The following PEPD variants were observed in gnomAD, a reference collection of about 807,000 sequenced individuals.
PEPD encodes peptidase D, also known as xaa-Pro dipeptidase.
A neutral mutation model predicts 60.7 loss-of-function variants in PEPD; 53 were observed. The ratio of observed to expected loss-of-function variants is 0.87; its 90% confidence interval spans 0.70 to 1.10. PEPD has a LOEUF of 1.10. Among genes scored for constraint, PEPD ranks in the 50% least tolerant of loss-of-function variants. The pLI is 0.00. For missense variants in PEPD, 711 were observed against 711.9 expected (o/e 1.00, Z 0.01); for synonymous variants, 267 against 284.1 (o/e 0.94, Z 0.60).
intron 11 of PEPD, among the ~76,000 whole-genome samples, chr19:33,411,163 C>A (rs748000690): frequency 1.3e-5 from 2 of 152,200 alleles, no homozygotes; most frequent in African/African-American, 4.8e-5. Context: ...AAGCCCTGCA[C>A]GCAGCCACGG....
At chr19:33,416,232 T>C (rs922089470) in intron 9 of PEPD, among the ~76,000 whole-genome samples, 9 of 152,178 alleles carry the variant, frequency 5.9e-5, no homozygotes, top group Non-Finnish European at 8.8e-5. Context: ...GTGTGGGCTA[T>C]GAGGACAGGC....
intron 9 of PEPD, among the ~76,000 whole-genome samples, chr19:33,461,324 T>G (rs1969922915): frequency 1.3e-5 from 2 of 151,362 alleles, no homozygotes; most frequent in African/African-American, 4.8e-5. Flanking sequence ...AAAAAAGACC[T>G]CCATTACCTG....
chr19:33,436,801 T>C (rs1248810214), intron 9 of PEPD, among the ~76,000 whole-genome samples: 3 of 152,184 alleles, frequency 2.0e-5, no homozygotes, highest in Non-Finnish European at 2.9e-5. Context: ...TGCCTAGCTC[T>C]CTGGGTGCGA....
At chr19:33,438,330 C>G (rs1215813087) in intron 9 of PEPD, among the ~76,000 whole-genome samples, 1 of 152,230 alleles carries the variant, frequency 6.6e-6, no homozygotes, top group Non-Finnish European at 1.5e-5. Flanking sequence ...CTGCAGGGGG[C>G]CCCAGACCAA....
chr19:33,493,638 C>A (rs1490326301), intron 4 of PEPD, among the ~76,000 whole-genome samples: 1 of 152,112 alleles, frequency 6.6e-6, no homozygotes, highest in African/African-American at 2.4e-5. Context: ...CCAGCCCTAC[C>A]CACCCTCCAA....
intron 4 of PEPD, among the ~76,000 whole-genome samples, chr19:33,499,504 G>A (rs914477827): frequency 1.3e-5 from 2 of 152,194 alleles, no homozygotes; most frequent in Non-Finnish European, 1.5e-5. Context: ...ATGTCCCTGG[G>A]ACTGGGCAGG....
At chr19:33,474,906 G>C (rs1970188553) in intron 7 of PEPD, among the ~76,000 whole-genome samples, 1 of 151,612 alleles carries the variant, frequency 6.6e-6, no homozygotes, top group African/African-American at 2.4e-5. Context: ...CCTGAGCCCA[G>C]GAGGTCAAGG....
chr19:33,401,387 G>C (rs1568451686), intron 12 of PEPD, among the ~76,000 whole-genome samples: 1 of 152,368 alleles, frequency 6.6e-6, no homozygotes, highest in East Asian at 1.9e-4. Flanking sequence ...AGTGGGTTGA[G>C]CCCTCCCTGG....
chr19:33,480,726 C>T (rs1171636105), intron 6 of PEPD, among the ~76,000 whole-genome samples: 1 of 152,012 alleles, frequency 6.6e-6, no homozygotes, highest in African/African-American at 2.4e-5. Context: ...ACCGAGGAGG[C>T]GGAGATTGCA....
At chr19:33,491,021 T>C (rs4377259) in intron 5 of PEPD, among the ~76,000 whole-genome samples, 50,844 of 152,054 alleles carry the variant, frequency 0.33, 8,945 homozygotes, top group African/African-American at 0.44. Context: ...GATGTCTAAT[T>C]GTATATCTAA....
intron 7 of PEPD, 60 bp from the exon 8 acceptor site, chr19:33,464,122 C>T: frequency 7.9e-7 from 1 of 1,270,046 alleles, no homozygotes; most frequent in Non-Finnish European, 1.1e-6. Flanking sequence ...CTGGCTGGAC[C>T]CCTCCAGGGA....
At chr19:33,476,810 C>G (rs184005421) in intron 7 of PEPD, among the ~76,000 whole-genome samples, 206 of 152,152 alleles carry the variant, frequency 1.4e-3, no homozygotes, top group African/African-American at 4.8e-3. Flanking sequence ...ACTACAGGTG[C>G]CCGCCACCAT....
At chr19:33,393,572 C>G (rs1024986386) in intron 12 of PEPD, among the ~76,000 whole-genome samples, 2 of 148,080 alleles carry the variant, frequency 1.4e-5, no homozygotes, top group Non-Finnish European at 3.0e-5. Context: ...CAAACAGCCA[C>G]AAGGCAGGCC....
At chr19:33,496,229 G>C (rs1970600489) in intron 4 of PEPD, among the ~76,000 whole-genome samples, 2 of 152,152 alleles carry the variant, frequency 1.3e-5, no homozygotes, top group Non-Finnish European at 1.5e-5. Flanking sequence ...TGGGAGGGAG[G>C]AGCAGGATAA....
intron 3 of PEPD, among the ~76,000 whole-genome samples, chr19:33,503,210 G>T (rs1025399014): frequency 1.6e-4 from 24 of 152,174 alleles, no homozygotes; most frequent in African/African-American, 5.8e-4. Context: ...AGGGCCCAGG[G>T]ACGGCTGCAG....
intron 9 of PEPD, among the ~76,000 whole-genome samples, chr19:33,430,218 C>T (rs553578098): frequency 3.3e-5 from 5 of 152,318 alleles, no homozygotes; most frequent in Admixed American, 6.5e-5. Context: ...CAGCCCCAGC[C>T]GTGAAGGGAG....
At chr19:33,413,668 G>A (rs1263325805) in intron 9 of PEPD, 25 bp from the exon 10 acceptor site, 7 of 1,502,190 alleles carry the variant, frequency 4.7e-6, no homozygotes, top group East Asian at 2.4e-5. Context: ...ACGCGTCAGG[G>A]TTGGGGCACT....
chr19:33,442,566 G>A (rs1437730620), intron 9 of PEPD, among the ~76,000 whole-genome samples: 2 of 150,380 alleles, frequency 1.3e-5, no homozygotes, highest in South Asian at 2.1e-4. Context: ...AAAATTAGCC[G>A]GGCGTGGTGG....
At chr19:33,465,729 T>C (rs1284685696) in intron 7 of PEPD, among the ~76,000 whole-genome samples, 2 of 152,080 alleles carry the variant, frequency 1.3e-5, no homozygotes, top group Non-Finnish European at 2.9e-5. Context: ...ATTTTACAGA[T>C]AGCGACACTG....
Sources: allele counts gnomAD v4.1 joint callset (sites outside exome capture counted in the v4.1 genomes callset), GRCh38; gene constraint gnomAD v4.1.1; transcripts MANE v1.5; gene names NCBI Gene and HGNC (gene_info 2026-07-23, HGNC 2026-07-21).